The following GREB1L variants were observed in gnomAD, a reference collection of about 807,000 sequenced individuals.
GREB1L encodes GREB1-like protein.
In GREB1L, 17 loss-of-function variants were observed where a neutral mutation model predicts 200.8. The observed-to-expected ratio is 0.08, with a 90% confidence interval of 0.06 to 0.13. The LOEUF is 0.13. GREB1L is among the 10% of genes least tolerant of loss of function. The pLI, the probability that GREB1L is intolerant of heterozygous loss-of-function variation, is 1.00. For synonymous variants in GREB1L, 789 were observed against 893.0 expected (o/e 0.88, Z 2.08); for missense variants, 1,657 against 2,367.7 (o/e 0.70, Z 6.23).
At chr18:21,494,970 A>G (rs1319260488) in intron 19 of GREB1L, among the ~76,000 whole-genome samples, 2 of 152,212 alleles carry the variant, frequency 1.3e-5, no homozygotes, top group African/African-American at 4.8e-5. Context: ...TATATGAAAA[A>G]TTGATACTTA....
At chr18:21,473,355 A>T in intron 16 of GREB1L, 144 bp downstream of exon 16, 1 of 497,526 alleles carries the variant, frequency 2.0e-6, no homozygotes, top group Non-Finnish European at 3.3e-6. Context: ...GGATCACTTG[A>T]GGTCAGGAGT....
chr18:21,468,064 A>G (rs1479538460), intron 15 of GREB1L, among the ~76,000 whole-genome samples: 2 of 152,098 alleles, frequency 1.3e-5, no homozygotes, highest in African/African-American at 4.8e-5. Flanking sequence ...GAGAGAAGTG[A>G]AAATATACGT....
At chr18:21,333,989 A>AC (rs2039147448) in intron 1 of GREB1L, among the ~76,000 whole-genome samples, 1 of 152,032 alleles carries the variant, frequency 6.6e-6, no homozygotes, top group South Asian at 2.1e-4. Flanking sequence ...TTGCCTAAAA[A>AC]AAAAAAAAAA....
Position 21,272,291 on chromosome 18 carries a change from G to A in GREB1L, c.-120+29898G>A, listed in dbSNP as rs137901891. On this transcript the variant is annotated intron_variant, in intron 1 of 32. Coordinates refer to ENST00000424526, the MANE Select transcript of GREB1L (RefSeq NM_001142966.3). ...GGAAGGAAGAGAGCATATAGGGAAG[G>A]CAAACAACTCTTAACTGTCTTGTCC... 7.5e-3 allele frequency among the ~76,000 whole-genome samples: 1,140 copies of A among 152,244 alleles called. 20 individuals are homozygous for A. Among genetic ancestry groups the A allele is most frequent in the African/African-American group, 0.026 (1,062 of 41,562 alleles).
At chr18:21,270,179 A>G (rs1425496798) in intron 1 of GREB1L, among the ~76,000 whole-genome samples, 3 of 152,212 alleles carry the variant, frequency 2.0e-5, no homozygotes. Context: ...GTAACATGCT[A>G]TCTTGTGATG....
intron 18 of GREB1L, among the ~76,000 whole-genome samples, chr18:21,488,131 C>G (rs954686031): frequency 1.3e-5 from 2 of 151,970 alleles, no homozygotes; most frequent in African/African-American, 4.8e-5. Context: ...ATGGAGAAAC[C>G]CTGTCTCTAC....
chr18:21,411,606 A>C (rs1457480677), intron 7 of GREB1L, among the ~76,000 whole-genome samples: 1 of 152,178 alleles, frequency 6.6e-6, no homozygotes, highest in Non-Finnish European at 1.5e-5. Context: ...ATACATAGTA[A>C]AGTAGAAAAT....
chr18:21,280,128 A>G (rs2038243438), intron 1 of GREB1L, among the ~76,000 whole-genome samples: 2 of 152,180 alleles, frequency 1.3e-5, no homozygotes, highest in South Asian at 4.1e-4. Context: ...ATCTGTTACT[A>G]TTAGCATATC....
intron 1 of GREB1L, among the ~76,000 whole-genome samples, chr18:21,272,984 T>A (rs1425481512): frequency 1.3e-5 from 2 of 152,230 alleles, no homozygotes; most frequent in African/African-American, 4.8e-5. Context: ...CCCAGTACTT[T>A]GGGAGGCTGA....
chr18:21,488,726 G>A (rs1354909761), intron 18 of GREB1L, among the ~76,000 whole-genome samples: 1 of 151,998 alleles, frequency 6.6e-6, no homozygotes, highest in Non-Finnish European at 1.5e-5. Context: ...GCATGATCTC[G>A]GCTCACTGTA....
At chr18:21,469,260 C>T (rs1464495598) in intron 15 of GREB1L, among the ~76,000 whole-genome samples, 1 of 152,092 alleles carries the variant, frequency 6.6e-6, no homozygotes, top group Non-Finnish European at 1.5e-5. Context: ...AAAGCTGTTC[C>T]TCCTCATTTA....
At chr18:21,339,135 C>T (rs1344290322) in intron 1 of GREB1L, among the ~76,000 whole-genome samples, 3 of 151,264 alleles carry the variant, frequency 2.0e-5, no homozygotes, top group Non-Finnish European at 2.9e-5. Context: ...TGCAGTGAGC[C>T]GAGATCGCAC....
chr18:21,515,652 A>G lies in GREB1L; in HGVS notation c.5129+8A>G. On this transcript the variant is annotated splice_region_variant and intron_variant, in intron 29 of 32. Transcript: ENST00000424526. ...GCAGTATGACTTCAACAGGTAAGTC[A>G]GGCCTCATGGATGCAGGTAATCCTG... 1.3e-6 allele frequency: 2 copies of G among 1,537,230 alleles called. No individual in the cohort carries two copies. The highest frequency in any genetic ancestry group is 1.8e-6 in the Non-Finnish European group (2 of 1,134,050).
At chr18:21,411,699 G>A (rs1242377324) in intron 7 of GREB1L, among the ~76,000 whole-genome samples, 2 of 152,126 alleles carry the variant, frequency 1.3e-5, no homozygotes, top group African/African-American at 4.8e-5. Flanking sequence ...GATTGTTCAT[G>A]GCAGTGTTCT....
At chr18:21,399,437 TTGGATGGATGGATGGTTGGA>T (rs2041217286) in intron 5 of GREB1L, among the ~76,000 whole-genome samples, 3 of 106,856 alleles carry the variant, frequency 2.8e-5, no homozygotes, top group Non-Finnish European at 5.8e-5. Context: ...GGTTGGATGG[TTGGATGGATGGATGGTTGGA>T]TGGATGGATG....
Position 21,454,448 on chromosome 18 carries a change from G to T in GREB1L, c.2067G>T (p.Ala689=). The change falls in exon 15 of 33, where the codon GCG becomes GCT. Residue 689 remains alanine (A), a synonymous_variant. Transcript: ENST00000424526. ...RKLLSQVCAI[A]DSGSQSLDLG... is the part of the protein sequence containing the mutation. ...TCTTATCCCAGGTGTGTGCTATAGC[G>T]GACAGTGGCAGCCAGAGCCTGGACC... The T allele has an allele frequency of 6.4e-7, 1 of 1,551,470 alleles. No individual in the cohort carries two copies. Among genetic ancestry groups the T allele is most frequent in the Middle Eastern group, 1.7e-4 (1 of 5,994 alleles).
intron 32 of GREB1L, among the ~76,000 whole-genome samples, chr18:21,522,254 C>T (rs1322121706): frequency 1.3e-5 from 2 of 151,770 alleles, no homozygotes; most frequent in African/African-American, 2.4e-5. Context: ...AGGTGGATCA[C>T]GAGGTCAGGA....
At chr18:21,306,696 A>T (rs921695546) in intron 1 of GREB1L, among the ~76,000 whole-genome samples, 8 of 152,218 alleles carry the variant, frequency 5.3e-5, no homozygotes, top group African/African-American at 1.9e-4. Context: ...TTAACTGCAA[A>T]GCTTCTGAAT....
chr18:21,395,108 A>G (rs1213720197), intron 4 of GREB1L, among the ~76,000 whole-genome samples: 1 of 126,378 alleles, frequency 7.9e-6, no homozygotes, highest in Admixed American at 7.2e-5. Flanking sequence ...TCCATCTCAA[A>G]AAAAAAAAAA....
Sources: allele counts gnomAD v4.1 joint callset (sites outside exome capture counted in the v4.1 genomes callset), GRCh38; gene constraint gnomAD v4.1.1; transcripts MANE v1.5; gene names NCBI Gene and HGNC (gene_info 2026-07-23, HGNC 2026-07-21).